The following SYN2 variants were observed in gnomAD, a reference collection of about 807,000 sequenced individuals.
SYN2 encodes the protein synapsin-2.
SYN2 carries 19 observed loss-of-function variants against 50.9 expected under a neutral mutation model. That is an observed-to-expected ratio of 0.37 (90% confidence interval 0.26 to 0.55). The LOEUF (loss-of-function observed/expected upper bound fraction) is 0.55. SYN2 is among the 20% of genes least tolerant of loss of function. The pLI, the probability that SYN2 is intolerant of heterozygous loss-of-function variation, is 0.81. For missense variants in SYN2, 587 were observed against 576.4 expected, an observed-to-expected ratio of 1.02 and a Z score of -0.19; for synonymous variants, 255 against 224.9, an observed-to-expected ratio of 1.13 and a Z score of -1.20.
At chr3:12,077,892 G>T (rs938215086) in intron 1 of SYN2, among the ~76,000 whole-genome samples, 1 of 152,010 alleles carries the variant, frequency 6.6e-6, no homozygotes, top group Non-Finnish European at 1.5e-5. Context: ...TGTGGAATTG[G>T]CATACCATCT....
chr3:12,035,246 C>T (rs751517053), intron 1 of SYN2, among the ~76,000 whole-genome samples: 131 of 152,340 alleles, frequency 8.6e-4, no homozygotes, highest in Non-Finnish European at 1.6e-3. Flanking sequence ...CACAAGGCCT[C>T]AAGCAGCCCT....
intron 10 of SYN2, among the ~76,000 whole-genome samples, chr3:12,176,510 A>G (rs373121059): frequency 1.3e-5 from 2 of 152,194 alleles, no homozygotes; most frequent in East Asian, 3.8e-4. Flanking sequence ...CCCATGGGGA[A>G]TGATTCTAAG....
chr3:12,105,041 T>C (rs1683110654), intron 1 of SYN2, among the ~76,000 whole-genome samples: 1 of 152,150 alleles, frequency 6.6e-6, no homozygotes, highest in African/African-American at 2.4e-5. Flanking sequence ...ATCATCCCTT[T>C]GAAACCCATC....
At position 12,140,713 on chromosome 3, in the gene SYN2, T is replaced by A. The variant is rs1696997694; in HGVS notation, c.435+5T>A. 1.3e-6 allele frequency: 1 copy of A among 757,112 alleles called. No individual in the cohort carries two copies. Among genetic ancestry groups the A allele is most frequent in the African/African-American group, 1.7e-5 (1 of 58,866 alleles). 46.9% of individuals were successfully genotyped at this position (757,112 alleles called of 1,614,324 possible). On this transcript the variant is annotated splice_donor_5th_base_variant and intron_variant, in intron 2 of 12. Coordinates refer to ENST00000621198, the MANE Select transcript of SYN2 (RefSeq NM_133625.6). ...TATGATATCAAGGTGGAACAGGTAA[T>A]CAGCCTGAAGCCCAGAGCTGCATCC...
intron 1 of SYN2, among the ~76,000 whole-genome samples, chr3:12,047,050 C>T (rs544450770): frequency 3.9e-5 from 6 of 152,238 alleles, no homozygotes; most frequent in South Asian, 2.1e-4. Context: ...AGATGGAAAG[C>T]ACTACCTTGT....
intron 12 of SYN2, 47 bp downstream of exon 12, chr3:12,187,659 C>T (rs1224053389): frequency 1.3e-6 from 2 of 1,495,952 alleles, no homozygotes; most frequent in African/African-American, 1.4e-5. Flanking sequence ...CCTACCCTTC[C>T]TGTGGGCCTT....
chr3:12,047,141 A>G (rs1282072513), intron 1 of SYN2, among the ~76,000 whole-genome samples: 3 of 149,114 alleles, frequency 2.0e-5, no homozygotes, highest in South Asian at 2.1e-4. Context: ...GGCAAATTGT[A>G]TGGAAAGAGA....
At chr3:12,102,888 A>G (rs1696107208) in intron 1 of SYN2, among the ~76,000 whole-genome samples, 1 of 152,192 alleles carries the variant, frequency 6.6e-6, no homozygotes, top group African/African-American at 2.4e-5. Flanking sequence ...GAACTACTCA[A>G]TAACAATAGT....
At chr3:12,045,904 GT>G (rs1488878085) in intron 1 of SYN2, among the ~76,000 whole-genome samples, 1 of 152,192 alleles carries the variant, frequency 6.6e-6, no homozygotes, top group Admixed American at 6.5e-5. Flanking sequence ...ACAGCATAGT[GT>G]AGTGGGTGAG....
At chr3:12,178,516 C>G (rs1021694626) in intron 10 of SYN2, among the ~76,000 whole-genome samples, 8 of 152,188 alleles carry the variant, frequency 5.3e-5, no homozygotes, top group Non-Finnish European at 1.2e-4. Flanking sequence ...CCAATCATCT[C>G]AAGAGCTAAT....
At chr3:12,169,447 C>T (rs188706842) in intron 9 of SYN2, among the ~76,000 whole-genome samples, 169 of 152,362 alleles carry the variant, frequency 1.1e-3, no homozygotes, top group Non-Finnish European at 2.1e-3. Flanking sequence ...TGCCTGCAAA[C>T]TTTTGCGCCC....
intron 1 of SYN2, among the ~76,000 whole-genome samples, chr3:12,097,113 A>T (rs1293582155): frequency 6.6e-6 from 1 of 152,226 alleles, no homozygotes; most frequent in Non-Finnish European, 1.5e-5. Flanking sequence ...CAGTGTGGCG[A>T]TTCCTCAAGG....
intron 1 of SYN2, among the ~76,000 whole-genome samples, chr3:12,106,010 G>A (rs1427924587): frequency 6.6e-6 from 1 of 152,184 alleles, no homozygotes; most frequent in Non-Finnish European, 1.5e-5. Context: ...TCTCACAAGG[G>A]TAGGAATCAA....
chr3:12,184,507 C>T, intron 11 of SYN2: 1 of 985,870 alleles, frequency 1.0e-6, no homozygotes, highest in Non-Finnish European at 1.2e-6. Context: ...CAAAAATGTC[C>T]CATGTCACTT....
chr3:12,076,964 A>T (rs1695479876), intron 1 of SYN2, among the ~76,000 whole-genome samples: 1 of 152,140 alleles, frequency 6.6e-6, no homozygotes, highest in African/African-American at 2.4e-5. Context: ...AGAGGTGTTG[A>T]AGGAAGACTG....
intron 5 of SYN2, chr3:12,153,420 AAG>A (rs1559442583): frequency 2.8e-6 from 4 of 1,407,128 alleles, no homozygotes; most frequent in Non-Finnish European, 4.0e-6. Context: ...AGCTGGCAGC[AAG>A]AGGTCAGGTG....
chr3:12,104,570 CTTTTTTTTTTTTTT>C (rs796837275), intron 1 of SYN2, among the ~76,000 whole-genome samples: 1 of 81,716 alleles, frequency 1.2e-5, no homozygotes, highest in Non-Finnish European at 2.1e-5. Flanking sequence ...CTTTTCTTTT[CTTTTTTTTTTTTTT>C]TTTTTTTTGA....
chr3:12,101,233 A>C (rs1343204321), intron 1 of SYN2, among the ~76,000 whole-genome samples: 2 of 152,220 alleles, frequency 1.3e-5, no homozygotes, highest in African/African-American at 4.8e-5. Context: ...AACAAACCCA[A>C]GTGTCCACTA....
At chr3:12,085,360 C>T (rs200269119) in intron 1 of SYN2, among the ~76,000 whole-genome samples, 24,461 of 109,968 alleles carry the variant, frequency 0.22, 2,054 homozygotes, top group African/African-American at 0.24. Context: ...AATACACACA[C>T]ACACACACAC....
Sources: gnomAD v4.1 joint callset for allele counts (sites outside exome capture counted in the v4.1 genomes callset) on GRCh38, gnomAD v4.1.1 for gene constraint, MANE v1.5 for transcripts, NCBI Gene and HGNC (gene_info 2026-07-23, HGNC 2026-07-21) for gene names.